The following MYOF variants were observed in gnomAD, a reference collection of about 807,000 sequenced individuals.
The protein encoded by MYOF is fer-1-like 3, myoferlin.
MYOF carries 244 observed loss-of-function variants against 284.2 expected under a neutral mutation model. The observed-to-expected ratio is 0.86, with a 90% CI of 0.77 to 0.95. The LOEUF (loss-of-function observed/expected upper bound fraction) is 0.95, where lower values mean the gene tolerates loss of function less well. Ranked by LOEUF, MYOF falls within the 40% of genes least tolerant of loss-of-function variation. MYOF has a pLI of 0.00. For missense variants in MYOF, 2,496 were observed against 2,560.6 expected (o/e 0.97, Z 0.54); for synonymous variants, 904 against 919.7 (o/e 0.98, Z 0.31).
chr10:93,316,658 C>T, intron 50 of MYOF, 56 bp downstream of exon 50: 1 of 1,442,296 alleles, frequency 6.9e-7, no homozygotes, highest in Non-Finnish European at 9.7e-7. Context: ...TTTTCATTGA[C>T]CCCACTAATT....
rs182574491 is a variant in MYOF, at chr10:93,316,797, A to G, written c.5615T>C (p.Ile1872Thr). 1.9e-5 allele frequency: 30 copies of G among 1,613,560 alleles called. No individual in the cohort carries two copies. The highest frequency in any genetic ancestry group is 2.2e-5 in the Non-Finnish European group (26 of 1,179,628). The change falls in exon 50 of 54, where the codon ATT becomes ACT. Residue 1872 changes from isoleucine (I) to threonine (T), a missense_variant. Transcript: ENST00000359263. ...TGGGATTCGAAATTCCGTTTGGTCA[A>G]TACTCCAGAAATGCTCCTAAAACAA... ...IVAKKEHFWS[I>T]DQTEFRIPPR...
In MYOF at chr10:93,378,713, A is replaced by ATATATATATATATATATG. The variant is rs1338159505; in HGVS notation, c.2001+1149_2001+1150insCATATATATATATATATA. The stretch of plus-strand genomic sequence containing the variant: ...TGTGTGTATATATATATATATATAT[A>ATATATATATATATATATG]TATGTATATATTTATCTTTTTAGAC... On this transcript the variant is annotated intron_variant, in intron 21 of 53. Coordinates refer to ENST00000359263, the MANE Select transcript of MYOF (RefSeq NM_013451.4). Among the ~76,000 whole-genome samples, 377 of 124,766 alleles carry ATATATATATATATATATG rather than the reference A, an allele frequency of 3.0e-3. 4 individuals carry two copies. The highest frequency in any genetic ancestry group is 8.6e-3 in the East Asian group (30 of 3,478). 81.9% of individuals were successfully genotyped at this position (124,766 alleles called of 152,430 possible).
At position 93,378,693 on chromosome 10, in the gene MYOF, G is replaced by GTATATATATATATATATATATA. The variant is rs66859494; in HGVS notation, c.2001+1148_2001+1169dup. On this transcript the variant is annotated intron_variant, in intron 21 of 53. Coordinates refer to ENST00000359263, the MANE Select transcript of MYOF (RefSeq NM_013451.4). ...TATGTGTGTGTGTATGTGTGTGTGT[G>GTATATATATATATATATATATA]TATATATATATATATATATATATGT... Among the ~76,000 whole-genome samples, 180 of 87,840 alleles carry GTATATATATATATATATATATA rather than the reference G, an allele frequency of 2.0e-3. 1 individual carries two copies. The highest frequency in any genetic ancestry group is 2.5e-3 in the African/African-American group (52 of 20,776). 57.6% of individuals were successfully genotyped at this position (87,840 alleles called of 152,430 possible).
intron 1 of MYOF, among the ~76,000 whole-genome samples, chr10:93,460,952 A>C (rs1470674793): frequency 2.7e-5 from 4 of 149,834 alleles, no homozygotes; most frequent in African/African-American, 9.9e-5. Flanking sequence ...AAATTTAGCC[A>C]TGCATGGTGG....
chr10:93,451,296 T>C (rs2056583410), intron 3 of MYOF, among the ~76,000 whole-genome samples: 1 of 151,914 alleles, frequency 6.6e-6, no homozygotes, highest in Non-Finnish European at 1.5e-5. Context: ...GCCAAGATTG[T>C]GCCACTGCAC....
Position 93,397,377 on chromosome 10 carries a change from T to G in MYOF, c.1290+11A>C, listed in dbSNP as rs1847070743. 6.2e-7 allele frequency: 1 copy of G among 1,608,076 alleles called. No homozygotes were observed. Among genetic ancestry groups the G allele is most frequent in the South Asian group, 1.1e-5 (1 of 89,394 alleles). On this transcript the variant is annotated intron_variant, in intron 14 of 53. Transcript: ENST00000359263. The stretch of plus-strand genomic sequence containing the variant: ...TATTCTTACTTTTTCAGAAAGAAAA[T>G]AAAGTCAAACCTTGATCTGAAGATT...
chr10:93,327,079 A>T (rs1843081948), intron 45 of MYOF, among the ~76,000 whole-genome samples: 1 of 152,076 alleles, frequency 6.6e-6, no homozygotes, highest in African/African-American at 2.4e-5. Context: ...GCTTAGACAC[A>T]AAAGGCCACA....
rs374496246 is a variant in MYOF at position 93,310,172 on chromosome 10, A to G, written c.6000-5T>C. The G allele has an allele frequency of 9.7e-5, 157 of 1,613,912 alleles. No individual in the cohort carries two copies. The African/African-American group carries it at 1.7e-3, about 17-fold the overall frequency. On this transcript the variant is annotated splice_polypyrimidine_tract_variant and splice_region_variant and intron_variant, in intron 52 of 53. Coordinates refer to ENST00000359263, the MANE Select transcript of MYOF (RefSeq NM_013451.4). The stretch of plus-strand genomic sequence containing the variant: ...AGGAAGGAGGTTTCTGGTCGACTGC[A>G]TTGCAAAGAAACAGTATCACCTACC...
At chr10:93,428,469 G>A (rs1848694279) in intron 4 of MYOF, among the ~76,000 whole-genome samples, 1 of 151,568 alleles carries the variant, frequency 6.6e-6, no homozygotes, top group Non-Finnish European at 1.5e-5. Flanking sequence ...GCCTCCCAAA[G>A]TGCTGGGATT....
chr10:93,381,270 T>C lies in MYOF; in HGVS notation c.1825A>G (p.Thr609Ala), dbSNP rs2134001851. ...GTTGTTGATGCCAAAGGCTTACAGG[T>C]GGTGTCAAACTTGTTGCCATAGTTC... ...IGNYGNKFDTTCKPLASTTQY... is the reference protein window; with the variant it reads ...IGNYGNKFDTACKPLASTTQY... The change falls in exon 20 of 54, where the codon ACC (threonine) becomes GCC (alanine). Residue 609 changes from threonine to alanine, a missense_variant. Transcript: ENST00000359263. 1 of 1,614,200 alleles carries C rather than the reference T, an allele frequency of 6.2e-7. No individual in the cohort carries two copies. The highest frequency in any genetic ancestry group is 8.5e-7 in the Non-Finnish European group (1 of 1,180,034).
intron 45 of MYOF, 134 bp downstream of exon 45, chr10:93,328,626 CTGT>C (rs1364110524): frequency 3.7e-6 from 3 of 812,122 alleles, no homozygotes; most frequent in African/African-American, 3.4e-5. Flanking sequence ...TCTGACGTGG[CTGT>C]TGTTAGTGTC....
At chr10:93,449,916 A>C (rs1460250116) in intron 3 of MYOF, among the ~76,000 whole-genome samples, 2 of 152,114 alleles carry the variant, frequency 1.3e-5, no homozygotes, top group Non-Finnish European at 2.9e-5. Flanking sequence ...CAGGGAGTCC[A>C]TGTCTGTGCA....
intron 37 of MYOF, among the ~76,000 whole-genome samples, chr10:93,344,629 G>A (rs907021701): frequency 6.8e-6 from 1 of 147,062 alleles, no homozygotes; most frequent in Non-Finnish European, 1.5e-5. Flanking sequence ...AATATCTAAT[G>A]TAGATAACAG....
intron 45 of MYOF, among the ~76,000 whole-genome samples, 161 bp from the exon 46 acceptor site, chr10:93,326,126 GCTT>G (rs1843036495): frequency 6.6e-6 from 1 of 152,220 alleles, no homozygotes; most frequent in South Asian, 2.1e-4. Flanking sequence ...GACAGAAAGA[GCTT>G]CTGACCAGGA....
At chr10:93,478,140 A>G (rs201891484) in intron 1 of MYOF, 7,300 of 173,616 alleles carry the variant, frequency 0.042, 602 homozygotes, top group East Asian at 0.29. Context: ...TAGAAATTAA[A>G]AATATTATAT....
At chr10:93,425,123 T>C (rs1246015381) in intron 5 of MYOF, among the ~76,000 whole-genome samples, 1 of 151,602 alleles carries the variant, frequency 6.6e-6, no homozygotes, top group Non-Finnish European at 1.5e-5. Flanking sequence ...GAATTCTTAT[T>C]AGAGACAAGG....
At chr10:93,375,503 G>C (rs939437784) in intron 22 of MYOF, among the ~76,000 whole-genome samples, 39 of 152,200 alleles carry the variant, frequency 2.6e-4, no homozygotes, top group Non-Finnish European at 1.0e-4. Context: ...ATAGGCTTTG[G>C]AGCCAACAAC....
At chr10:93,345,162 A>G (rs1324423622) in intron 37 of MYOF, among the ~76,000 whole-genome samples, 2 of 152,234 alleles carry the variant, frequency 1.3e-5, no homozygotes, top group Non-Finnish European at 2.9e-5. Context: ...CAGGACATAA[A>G]GGAGGAGAAA....
intron 31 of MYOF, among the ~76,000 whole-genome samples, 176 bp downstream of exon 31, chr10:93,355,452 G>C (rs539428571): frequency 6.6e-6 from 1 of 152,290 alleles, no homozygotes; most frequent in African/African-American, 2.4e-5. Context: ...CAGGCATGGT[G>C]ACGTGCGCCT....
Sources: gnomAD v4.1 joint callset for allele counts (sites outside exome capture counted in the v4.1 genomes callset) on GRCh38, gnomAD v4.1.1 for gene constraint, MANE v1.5 for transcripts, NCBI Gene and HGNC (gene_info 2026-07-23, HGNC 2026-07-21) for gene names.